The following PLEKHM2 variants were observed in gnomAD, a reference collection of about 807,000 sequenced individuals.
The protein encoded by PLEKHM2 is pleckstrin homology and RUN domain containing M2.
PLEKHM2 carries 77 observed loss-of-function variants against 116.3 expected under a neutral mutation model. The ratio of observed to expected loss-of-function variants is 0.66; its 90% CI spans 0.55 to 0.80. The LOEUF (loss-of-function observed/expected upper bound fraction) is 0.80, where lower values mean the gene tolerates loss of function less well. Ranked by LOEUF, PLEKHM2 falls within the 30% of genes least tolerant of loss-of-function variation. The pLI is 0.00. For missense variants in PLEKHM2, 1,183 were observed against 1,354.9 expected, an observed-to-expected ratio of 0.87 and a Z score of 1.99; for synonymous variants, 562 against 571.0, an observed-to-expected ratio of 0.98 and a Z score of 0.22.
intron 1 of PLEKHM2, among the ~76,000 whole-genome samples, chr1:15,700,063 G>A (rs1205749538): frequency 6.6e-6 from 1 of 151,844 alleles, no homozygotes; most frequent in African/African-American, 2.4e-5. Flanking sequence ...GGCTGGTGAA[G>A]CGGCAGGCAC....
At chr1:15,718,710 G>T in intron 5 of PLEKHM2, 85 bp downstream of exon 5, 1 of 785,836 alleles carries the variant, frequency 1.3e-6, no homozygotes. Flanking sequence ...TCATTTCTCA[G>T]GTCTTGTTGA....
chr1:15,685,938 A>C (rs568338968), intron 1 of PLEKHM2, among the ~76,000 whole-genome samples: 2 of 152,336 alleles, frequency 1.3e-5, no homozygotes, highest in East Asian at 3.9e-4. Flanking sequence ...GTTGAGAAGC[A>C]GTACATCTTT....
Position 15,727,879 on chromosome 1 carries a change from C to G in PLEKHM2, c.1760+47C>G, listed in dbSNP as rs2068087558. The G allele has an allele frequency of 2.8e-6, 4 of 1,419,496 alleles. No homozygotes were observed. The South Asian group carries it at 5.3e-5, about 19-fold the overall frequency. 87.9% of individuals were successfully genotyped at this position (1,419,496 alleles called of 1,614,324 possible). On this transcript the variant is annotated intron_variant, in intron 9 of 19. Coordinates refer to ENST00000375799, the MANE Select transcript of PLEKHM2 (RefSeq NM_015164.4). The surrounding 1 kb of genome is among the most constrained non-coding windows in gnomAD (Gnocchi z 7.5). Reference sequence around the variant, plus strand: ...CATGGGACTCTCCCAGCCCTTGAAGCTGGGGACACTGTGCCTCTGACCTCC... The same window carrying G: ...CATGGGACTCTCCCAGCCCTTGAAGGTGGGGACACTGTGCCTCTGACCTCC...
rs923991099 is a variant in PLEKHM2, at chr1:15,719,859, C to T, written c.591C>T (p.Phe197=). 12 of 1,613,708 alleles carry T rather than the reference C, an allele frequency of 7.4e-6. No individual in the cohort carries two copies. In the African/African-American group the frequency reaches 1.6e-4, roughly 22 times the overall value. Residue 197 remains phenylalanine, a synonymous_variant, in exon 6 of 20, where the codon TTC becomes TTT. Transcript: ENST00000375799. This position sits in a 1 kb window ranked among gnomAD's most constrained non-coding sequence, Gnocchi z 4.1. ...HGSDSLSLNS[F]NSVTSTNLEW... ...CAGACAGTCTGTCCCTCAACTCTTT[C>T]AACTCCGTCACCTCCACCAACCTGG...
At position 15,725,500 on chromosome 1, in the gene PLEKHM2, A is replaced by G; in HGVS notation, c.896A>G (p.Gln299Arg). 1 of 1,579,966 alleles carries G rather than the reference A, an allele frequency of 6.3e-7. No individual in the cohort carries two copies. Among genetic ancestry groups the G allele is most frequent in the Non-Finnish European group, 8.6e-7 (1 of 1,163,854 alleles). Residue 299 changes from glutamine (Q) to arginine (R), a missense_variant, in exon 8 of 20, where the codon CAG (glutamine) becomes CGG (arginine). Gln to Arg is a conservative substitution (Grantham distance 43). Transcript: ENST00000375799. ...HTTSQEKEEA[Q>R]ALDPPDACTE... ...ACCTCTCAGGAGAAGGAGGAGGCCCAGGCCCTGGACCCGCCGGATGCCTGC... is the reference window on the plus strand; with the variant it reads ...ACCTCTCAGGAGAAGGAGGAGGCCCGGGCCCTGGACCCGCCGGATGCCTGC...
chr1:15,729,270 G>A lies in PLEKHM2; in HGVS notation c.2075+80G>A. On this transcript the variant is annotated intron_variant, in intron 13 of 19. Transcript: ENST00000375799. The surrounding 1 kb of genome is among the most constrained non-coding windows in gnomAD (Gnocchi z 4.7). ...GGTGTGGGTGGCCTGGGGGTCAGGG[G>A]TGGAGGTGGAAAGTGGGAGATCCAG... The A allele has an allele frequency of 1.7e-6, 2 of 1,203,020 alleles. No homozygotes were observed. The highest frequency in any genetic ancestry group is 2.5e-5 in the East Asian group (1 of 39,514). 74.5% of individuals were successfully genotyped at this position (1,203,020 alleles called of 1,614,324 possible).
chr1:15,733,945 G>A lies in PLEKHM2; in HGVS notation c.*11G>A. On this transcript the variant is annotated 3_prime_UTR_variant, in exon 20 of 20. Coordinates refer to ENST00000375799, the MANE Select transcript of PLEKHM2 (RefSeq NM_015164.4). ...GACCCCTGGTGCTGAGGCAGAGCTG[G>A]TTGGCGTCCCTGGTGGGCAGGAAAG... 1 of 1,608,630 alleles carries A rather than the reference G, an allele frequency of 6.2e-7. No individual in the cohort carries two copies. Among genetic ancestry groups the A allele is most frequent in the Non-Finnish European group, 8.5e-7 (1 of 1,177,822 alleles).
chr1:15,716,981 G>A (rs563339044), intron 3 of PLEKHM2, among the ~76,000 whole-genome samples, 165 bp downstream of exon 3: 1 of 152,324 alleles, frequency 6.6e-6, no homozygotes, highest in East Asian at 1.9e-4. Context: ...GGCCAGGCAT[G>A]GTGGCTCACA....
At chr1:15,686,680 G>C (rs12405735) in intron 1 of PLEKHM2, among the ~76,000 whole-genome samples, 3 of 135,810 alleles carry the variant, frequency 2.2e-5, no homozygotes, top group Admixed American at 7.5e-5. Flanking sequence ...ACGGAGTCTC[G>C]CTCTGTCGCC....
intron 3 of PLEKHM2, among the ~76,000 whole-genome samples, chr1:15,717,451 G>A (rs908418110): frequency 6.6e-6 from 1 of 152,182 alleles, no homozygotes; most frequent in Admixed American, 6.5e-5. Context: ...TTTATAAAAT[G>A]CCAGCCCCCT....
At chr1:15,699,256 A>G (rs1192988422) in intron 1 of PLEKHM2, among the ~76,000 whole-genome samples, 1 of 152,094 alleles carries the variant, frequency 6.6e-6, no homozygotes, top group East Asian at 1.9e-4. Context: ...GGTTTGTTAC[A>G]TAGGTGTACA....
chr1:15,711,975 G>A (rs570667522), intron 1 of PLEKHM2, among the ~76,000 whole-genome samples: 23 of 151,842 alleles, frequency 1.5e-4, no homozygotes, highest in Middle Eastern at 3.4e-3. Flanking sequence ...AAAATTAGCC[G>A]GGCACGGTGG....
At chr1:15,700,851 C>T (rs140264173) in intron 1 of PLEKHM2, among the ~76,000 whole-genome samples, 2,051 of 152,230 alleles carry the variant, frequency 0.013, 35 homozygotes, top group Non-Finnish European at 0.021. Context: ...CGGTGGCTCA[C>T]GCCTGTAACC....
intron 5 of PLEKHM2, among the ~76,000 whole-genome samples, chr1:15,718,959 C>T (rs1641504201): frequency 6.6e-6 from 1 of 152,194 alleles, no homozygotes; most frequent in African/African-American, 2.4e-5. Flanking sequence ...AAGGCAGTTT[C>T]AGCCTGGTGC....
chr1:15,716,346 A>T lies in PLEKHM2; in HGVS notation c.167+3A>T. On this transcript the variant is annotated splice_donor_region_variant and intron_variant, in intron 2 of 19. Coordinates refer to ENST00000375799, the MANE Select transcript of PLEKHM2 (RefSeq NM_015164.4). ...CTGGACCACGCCCTGCTGTACGGGT[A>T]AGGTGGAGGAAGTTTCCAAAGATGA... The T allele has an allele frequency of 6.4e-7, 1 of 1,558,812 alleles. No individual in the cohort carries two copies. The highest frequency in any genetic ancestry group is 8.8e-7 in the Non-Finnish European group (1 of 1,141,744).
rs1486259463 is a variant in PLEKHM2 at position 15,719,032 on chromosome 1, C to G, written c.465+407C>G. ...AGCCTTCAGCCACCCTCTTCAAGTT[C>G]TCAAGTTTCTCTCCCCATCACACCC... On this transcript the variant is annotated intron_variant, in intron 5 of 19. Coordinates refer to ENST00000375799, the MANE Select transcript of PLEKHM2 (RefSeq NM_015164.4). The surrounding 1 kb of genome is among the most constrained non-coding windows in gnomAD (Gnocchi z 4.1). Among the ~76,000 whole-genome samples, 1 of 152,188 alleles carries G rather than the reference C, an allele frequency of 6.6e-6. No homozygotes were observed. The highest frequency in any genetic ancestry group is 1.5e-5 in the Non-Finnish European group (1 of 68,026).
intron 1 of PLEKHM2, among the ~76,000 whole-genome samples, chr1:15,686,648 A>ATTTTTTTTTTT (rs1233033159): frequency 1.6e-4 from 21 of 134,216 alleles, no homozygotes; most frequent in African/African-American, 5.9e-4. Context: ...ACCCGGCTAA[A>ATTTTTTTTTTT]TTTTTTTTTT....
Position 15,725,410 on chromosome 1 carries a change from A to G in PLEKHM2, c.806A>G (p.Gln269Arg), listed in dbSNP as rs1223644174. Residue 269 changes from glutamine to arginine, a missense_variant, in exon 8 of 20, where the codon CAG becomes CGG. Transcript: ENST00000375799. ...TCCACCAGGAGCCCCACCCAGCGCC[A>G]GAACCCCTTCAACGAGGAGCCGGCA... ...KASTRSPTQR[Q>R]NPFNEEPAET... 1 of 1,554,760 alleles carries G rather than the reference A, an allele frequency of 6.4e-7. No homozygotes were observed. The highest frequency in any genetic ancestry group is 1.9e-5 in the Admixed American group (1 of 51,356).
chr1:15,684,516 CGGCGGCGGTGGCGGT>C lies in PLEKHM2; in HGVS notation c.-37_-23del, dbSNP rs929410948. On this transcript the variant is annotated 5_prime_UTR_variant, in exon 1 of 20. Coordinates refer to ENST00000375799, the MANE Select transcript of PLEKHM2 (RefSeq NM_015164.4). The stretch of plus-strand genomic sequence containing the variant: ...GGCGCGGGAAGCGGCGGCGGGGCGG[CGGCGGCGGTGGCGGT>C]GGCGGTGGCGGCGACGGTGGCAGCG... The C allele has an allele frequency of 7.4e-6, 8 of 1,078,582 alleles. No homozygotes were observed. The highest frequency in any genetic ancestry group is 5.1e-5 in the African/African-American group (3 of 58,696). The allele number at this position is 1,078,582 out of a possible 1,614,324, so 66.8% of individuals were successfully genotyped here.
Sources: gnomAD v4.1 joint callset for allele counts (sites outside exome capture counted in the v4.1 genomes callset) on GRCh38, gnomAD v4.1.1 for gene constraint, Gnocchi (gnomAD v3.1) non-coding constraint, MANE v1.5 for transcripts, NCBI Gene and HGNC (gene_info 2026-07-23, HGNC 2026-07-21) for gene names.